BMPR1B: variants seen among roughly 807,000 people sequenced by gnomAD.
BMPR1B encodes bone morphogenetic protein receptor type 1B.
BMPR1B carries 12 observed loss-of-function variants against 59.1 expected under a neutral mutation model. That is an observed-to-expected ratio of 0.20 (90% confidence interval 0.13 to 0.33). The LOEUF is 0.33. Among genes scored for constraint, BMPR1B ranks in the 10% least tolerant of loss-of-function variants. The probability of loss-of-function intolerance (pLI) is 1.00; values close to 1 mark genes in which losing one functional copy is unlikely to be tolerated. For synonymous variants in BMPR1B, 237 were observed against 207.3 expected, an observed-to-expected ratio of 1.14 and a Z score of -1.23; for missense variants, 550 against 610.9, an observed-to-expected ratio of 0.90 and a Z score of 1.05.
chr4:94,853,026 A>G (rs1326301754), intron 1 of BMPR1B, among the ~76,000 whole-genome samples: 1 of 152,174 alleles, frequency 6.6e-6, no homozygotes, highest in East Asian at 1.9e-4. Context: ...AGAACCTAAT[A>G]TATTGTGGAT....
At chr4:94,787,183 A>C (rs1722794210) in intron 1 of BMPR1B, among the ~76,000 whole-genome samples, 1 of 152,120 alleles carries the variant, frequency 6.6e-6, no homozygotes, top group Admixed American at 6.5e-5. Context: ...GACGTACTAA[A>C]GCATCCTTAC....
At chr4:95,048,935 T>C (rs1185885795) in intron 3 of BMPR1B, among the ~76,000 whole-genome samples, 1 of 152,112 alleles carries the variant, frequency 6.6e-6, no homozygotes, top group African/African-American at 2.4e-5. Context: ...TAATTAAATT[T>C]AAAATGGAGG....
chr4:94,834,045 C>T (rs1032285209), intron 1 of BMPR1B, among the ~76,000 whole-genome samples: 1 of 152,150 alleles, frequency 6.6e-6, no homozygotes, highest in African/African-American at 2.4e-5. Flanking sequence ...TTTAAATTAT[C>T]TTAAACGGAT....
chr4:94,844,357 T>G (rs1725233592), intron 1 of BMPR1B, among the ~76,000 whole-genome samples: 1 of 151,858 alleles, frequency 6.6e-6, no homozygotes, highest in African/African-American at 2.4e-5. Flanking sequence ...TTAAGGAAAG[T>G]GAATTAGTTG....
chr4:94,798,936 G>A (rs985520583), intron 1 of BMPR1B, among the ~76,000 whole-genome samples: 3 of 151,746 alleles, frequency 2.0e-5, no homozygotes, highest in Non-Finnish European at 4.4e-5. Context: ...GAACAAAATA[G>A]AAGACAGGCA....
At chr4:95,017,966 A>G (rs1037024742) in intron 3 of BMPR1B, among the ~76,000 whole-genome samples, 5 of 152,158 alleles carry the variant, frequency 3.3e-5, no homozygotes, top group African/African-American at 1.2e-4. Context: ...TGTGGGCAAA[A>G]TTCCTCTCTA....
intron 1 of BMPR1B, among the ~76,000 whole-genome samples, chr4:94,813,762 C>T (rs1028066282): frequency 1.3e-5 from 2 of 152,038 alleles, no homozygotes; most frequent in African/African-American, 4.8e-5. Context: ...ATGGCTTAGA[C>T]TGGGGTGATA....
intron 3 of BMPR1B, among the ~76,000 whole-genome samples, chr4:95,075,569 A>G (rs1465272106): frequency 6.6e-6 from 1 of 152,288 alleles, no homozygotes; most frequent in Non-Finnish European, 1.5e-5. Flanking sequence ...TTACCCATAT[A>G]GTCCTCAGTT....
At chr4:95,097,825 C>T (rs995010278) in intron 3 of BMPR1B, among the ~76,000 whole-genome samples, 3 of 152,122 alleles carry the variant, frequency 2.0e-5, no homozygotes, top group African/African-American at 4.8e-5. Context: ...TGTAAGCCAC[C>T]GCGCCCAGCC....
chr4:95,008,674 A>G (rs189787410), intron 3 of BMPR1B, among the ~76,000 whole-genome samples: 175 of 152,306 alleles, frequency 1.1e-3, no homozygotes, highest in African/African-American at 4.1e-3. Context: ...GCAACATTAA[A>G]ATGAAAAATC....
intron 3 of BMPR1B, among the ~76,000 whole-genome samples, chr4:95,060,523 A>G (rs958013198): frequency 6.6e-6 from 1 of 152,234 alleles, no homozygotes; most frequent in Admixed American, 6.5e-5. Flanking sequence ...CAATCCAAGT[A>G]TGAGCTGAAA....
chr4:94,962,424 T>C (rs1730406014), intron 2 of BMPR1B, among the ~76,000 whole-genome samples: 1 of 152,032 alleles, frequency 6.6e-6, no homozygotes, highest in African/African-American at 2.4e-5. Context: ...AGGCTAGATC[T>C]TATTCTTTCT....
intron 2 of BMPR1B, among the ~76,000 whole-genome samples, chr4:94,908,347 A>G (rs1398452352): frequency 4.0e-5 from 6 of 150,582 alleles, no homozygotes; most frequent in Non-Finnish European, 7.4e-5. Context: ...TTTGGTTCCT[A>G]TTAATTCATT....
intron 1 of BMPR1B, among the ~76,000 whole-genome samples, chr4:94,798,557 C>T (rs1356109142): frequency 6.6e-6 from 1 of 152,172 alleles, no homozygotes; most frequent in Non-Finnish European, 1.5e-5. Context: ...TTTCCTTGCT[C>T]CCACGGACGT....
At chr4:95,014,315 TA>T (rs1437515865) in intron 3 of BMPR1B, among the ~76,000 whole-genome samples, 1 of 152,212 alleles carries the variant, frequency 6.6e-6, no homozygotes, top group Non-Finnish European at 1.5e-5. Context: ...GACTATCTTA[TA>T]ATTCATAGAA....
At chr4:95,115,922 T>C (rs2149279234) in intron 6 of BMPR1B, 135 bp downstream of exon 6, 3 of 777,536 alleles carry the variant, frequency 3.9e-6, no homozygotes, top group South Asian at 1.5e-5. Flanking sequence ...CCAGATGACA[T>C]GGAACCATCA....
intron 1 of BMPR1B, among the ~76,000 whole-genome samples, chr4:94,861,612 C>G (rs1245484007): frequency 2.6e-5 from 4 of 152,022 alleles, no homozygotes; most frequent in Non-Finnish European, 5.9e-5. Context: ...CCTGAACACA[C>G]AAAACATATA....
intron 6 of BMPR1B, 88 bp downstream of exon 6, chr4:95,115,875 C>T: frequency 8.3e-7 from 1 of 1,203,630 alleles, no homozygotes; most frequent in Non-Finnish European, 1.2e-6. Context: ...CTCAATCTAC[C>T]TGTACCACTT....
chr4:94,801,292 C>T (rs573616863), intron 1 of BMPR1B, among the ~76,000 whole-genome samples: 1 of 152,332 alleles, frequency 6.6e-6, no homozygotes, highest in African/African-American at 2.4e-5. Context: ...AAATACAAAA[C>T]AGTTCTTGTC....
Sources: allele counts gnomAD v4.1 joint callset (sites outside exome capture counted in the v4.1 genomes callset), GRCh38; gene constraint gnomAD v4.1.1; transcripts MANE v1.5; gene names NCBI Gene and HGNC (gene_info 2026-07-23, HGNC 2026-07-21).